SDHA: variants seen among roughly 807,000 people sequenced by gnomAD.
The protein encoded by SDHA is succinate dehydrogenase [ubiquinone] flavoprotein subunit, mitochondrial.
In SDHA, 48 loss-of-function variants were observed where a neutral mutation model predicts 78.4. That is an observed-to-expected ratio of 0.61 (90% CI 0.49 to 0.78). The LOEUF (loss-of-function observed/expected upper bound fraction) is 0.78, where lower values mean the gene tolerates loss of function less well. Among genes scored for constraint, SDHA ranks in the 30% least tolerant of loss-of-function variants. SDHA has a pLI of 0.00. For synonymous variants in SDHA, 326 were observed against 353.9 expected (o/e 0.92, Z 0.88); for missense variants, 680 against 892.7 (o/e 0.76, Z 3.04).
intron 11 of SDHA, among the ~76,000 whole-genome samples, chr5:241,629 C>T (rs1231588361): frequency 1.3e-5 from 2 of 152,202 alleles, no homozygotes; most frequent in African/African-American, 4.8e-5. Flanking sequence ...AACAAGGATT[C>T]TTGTCCATGA....
the SDHA span, among the ~76,000 whole-genome samples, chr5:267,517 G>C: frequency 6.6e-6 from 1 of 152,190 alleles, no homozygotes; most frequent in Admixed American, 6.5e-5. Flanking sequence ...ACAAATACTT[G>C]TTGAGGGCCT....
intron 13 of SDHA, among the ~76,000 whole-genome samples, chr5:252,843 T>C (rs1323703934): frequency 6.7e-6 from 1 of 150,244 alleles, no homozygotes; most frequent in East Asian, 1.9e-4. Context: ...GCCAGTTTAT[T>C]AACAAGTAAG....
chr5:262,756 C>G, the SDHA span, among the ~76,000 whole-genome samples: 1 of 152,164 alleles, frequency 6.6e-6, no homozygotes, highest in Non-Finnish European at 1.5e-5. Flanking sequence ...AGAACAATGA[C>G]AATTATTTCC....
chr5:228,741 A>C (rs1735203547), intron 6 of SDHA, among the ~76,000 whole-genome samples: 1 of 152,228 alleles, frequency 6.6e-6, no homozygotes, highest in Non-Finnish European at 1.5e-5. Flanking sequence ...AGTAACTTTA[A>C]TTTTATACAC....
chr5:243,053 C>T (rs1317258239), intron 11 of SDHA, among the ~76,000 whole-genome samples: 1 of 152,098 alleles, frequency 6.6e-6, no homozygotes, highest in Non-Finnish European at 1.5e-5. Flanking sequence ...GTAGTTGCTC[C>T]AGTGACTGTC....
rs1553996331 is a variant in SDHA at position 218,351 on chromosome 5, C to CA, written c.-4dup. ...TGGCGGGACTGCGCGGCGGCAACAG[C>CA]AGACATGTCGGGGGTCCGGGGCCTG... On this transcript the variant is annotated 5_prime_UTR_variant, in exon 1 of 15. Transcript: ENST00000264932. The CA allele has an allele frequency of 6.9e-7, 1 of 1,458,206 alleles. No homozygotes were observed. Among genetic ancestry groups the CA allele is most frequent in the Non-Finnish European group, 9.0e-7 (1 of 1,114,266 alleles). 90.3% of individuals were successfully genotyped at this position (1,458,206 alleles called of 1,614,324 possible).
At chr5:238,112 A>G (rs1735898264) in intron 10 of SDHA, among the ~76,000 whole-genome samples, 1 of 150,972 alleles carries the variant, frequency 6.6e-6, no homozygotes, top group Non-Finnish European at 1.5e-5. Flanking sequence ...CCGCCCACGC[A>G]TGCAGCATCT....
intron 10 of SDHA, among the ~76,000 whole-genome samples, chr5:238,447 A>ATTT (rs55756087): frequency 6.7e-6 from 1 of 148,690 alleles, no homozygotes; most frequent in African/African-American, 2.5e-5. Flanking sequence ...ATATATATGT[A>ATTT]TTTTTTTTTT....
At chr5:261,451 CCGGCAGAGCATTA>C, downstream of SDHA, among the ~76,000 whole-genome samples, 1 of 69,286 alleles carries the variant, frequency 1.4e-5, no homozygotes, top group Non-Finnish European at 2.5e-5. Flanking sequence ...GCTCCGCCTC[CCGGCAGAGCATTA>C]CCGTGTGAGC....
At chr5:252,588 T>TCAAGCC (rs1410948836) in intron 13 of SDHA, among the ~76,000 whole-genome samples, 1 of 148,100 alleles carries the variant, frequency 6.8e-6, no homozygotes, top group Admixed American at 6.7e-5. Flanking sequence ...AGTCACCGTT[T>TCAAGCC]TAAGCCTGTC....
chr5:245,337 CTG>C (rs746083474), intron 11 of SDHA, among the ~76,000 whole-genome samples: 6 of 152,164 alleles, frequency 3.9e-5, no homozygotes, highest in Non-Finnish European at 8.8e-5. Context: ...ATTTAAAAGA[CTG>C]TTTCTTTACT....
chr5:235,080 C>T (rs558710733), intron 8 of SDHA, 64 bp from the exon 9 acceptor site: 232 of 1,476,122 alleles, frequency 1.6e-4, no homozygotes, highest in Non-Finnish European at 1.8e-4. Flanking sequence ...TCCAAGATGA[C>T]GTATTCTCAG....
At chr5:257,814 C>G (rs1357390861), downstream of SDHA, among the ~76,000 whole-genome samples, 1 of 70,054 alleles carries the variant, frequency 1.4e-5, no homozygotes, top group Non-Finnish European at 2.7e-5. Flanking sequence ...CAGAGCATTA[C>G]TGGGTGAGCT....
intron 1 of SDHA, among the ~76,000 whole-genome samples, chr5:220,005 C>T (rs373088089): frequency 6.6e-6 from 1 of 151,936 alleles, no homozygotes; most frequent in Admixed American, 6.6e-5. Flanking sequence ...TTGGAGTTTA[C>T]GAAGGAACAG....
rs1293583602 is a variant in SDHA at position 257,010 on chromosome 5, GC to G, written c.*592del. Among the ~76,000 whole-genome samples, 2 of 123,022 alleles carry G rather than the reference GC, an allele frequency of 1.6e-5. No individual in the cohort carries two copies. The highest frequency in any genetic ancestry group is 4.0e-4 in the East Asian group (2 of 4,958). The allele number at this position is 123,022 out of a possible 152,430, so 80.7% of individuals were successfully genotyped here. Reference sequence around the variant, plus strand: ...TGTAGGGACAGGGTCTCACTGTGTTGCCTAGGCTGGTCTCAAGTGATCCTCC... The same window carrying G: ...TGTAGGGACAGGGTCTCACTGTGTTGCTAGGCTGGTCTCAAGTGATCCTCC... On this transcript the variant is annotated 3_prime_UTR_variant, in exon 15 of 15. Transcript: ENST00000264932.
rs982338481 is a variant in SDHA, at chr5:233,369, C to G, written c.896-108C>G. ...TGTGCAGTTTTGCACATAATGCCTTCTGCTTATCTTTTTCCTCTTTCCCCC... is the reference window on the plus strand; with the variant it reads ...TGTGCAGTTTTGCACATAATGCCTTGTGCTTATCTTTTTCCTCTTTCCCCC... On this transcript the variant is annotated intron_variant, in intron 7 of 14. Coordinates refer to ENST00000264932, the MANE Select transcript of SDHA (RefSeq NM_004168.4). 17 of 1,206,340 alleles carry G rather than the reference C, an allele frequency of 1.4e-5. No individual in the cohort carries two copies. In the African/African-American group the frequency reaches 2.3e-4, roughly 16 times the overall value. 74.7% of individuals were successfully genotyped at this position (1,206,340 alleles called of 1,614,324 possible). A position where few individuals can be genotyped will look rare whatever the true frequency, so the allele number is the denominator to read the frequency against.
At chr5:265,355 G>C in the SDHA span, among the ~76,000 whole-genome samples, 6 of 151,954 alleles carry the variant, frequency 3.9e-5, no homozygotes, top group East Asian at 9.9e-4. Context: ...GAAGCACCTA[G>C]ACTTGGTCTC....
chr5:243,543 A>C (rs978354289), intron 11 of SDHA, among the ~76,000 whole-genome samples: 3 of 152,124 alleles, frequency 2.0e-5, no homozygotes, highest in Non-Finnish European at 2.9e-5. Flanking sequence ...AGCTTAGAGG[A>C]GTGTGCATTA....
intron 14 of SDHA, among the ~76,000 whole-genome samples, chr5:254,796 G>A (rs1365566378): frequency 2.6e-5 from 4 of 152,100 alleles, no homozygotes; most frequent in Non-Finnish European, 5.9e-5. Context: ...CCTGGTGGTA[G>A]GGGAGGAGAT....
Sources: allele counts gnomAD v4.1 joint callset (sites outside exome capture counted in the v4.1 genomes callset), GRCh38; gene constraint gnomAD v4.1.1; transcripts MANE v1.5; gene names NCBI Gene and HGNC (gene_info 2026-07-23, HGNC 2026-07-21).